The following CDH8 variants were observed in gnomAD, a reference collection of about 807,000 sequenced individuals.
CDH8 encodes the protein cadherin 8, also known as cadherin-8.
Under a neutral mutation model 68.1 loss-of-function variants are expected in CDH8, and 17 were observed. The observed-to-expected ratio is 0.25, with a 90% CI of 0.17 to 0.37. The LOEUF (loss-of-function observed/expected upper bound fraction) is 0.37. CDH8 is among the 10% of genes least tolerant of loss of function. CDH8 has a pLI of 1.00. For synonymous variants in CDH8, 372 were observed against 365.1 expected, an observed-to-expected ratio of 1.02 and a Z score of -0.21; for missense variants, 763 against 999.3, an observed-to-expected ratio of 0.76 and a Z score of 3.19.
intron 2 of CDH8, among the ~76,000 whole-genome samples, chr16:61,933,879 T>C (rs1280542292): frequency 6.6e-6 from 1 of 152,200 alleles, no homozygotes; most frequent in Non-Finnish European, 1.5e-5. Context: ...TTAAGTAGTA[T>C]AGCGAGAACA....
At chr16:61,877,358 T>C (rs1439484604) in intron 3 of CDH8, among the ~76,000 whole-genome samples, 3 of 151,996 alleles carry the variant, frequency 2.0e-5, no homozygotes, top group African/African-American at 7.3e-5. Context: ...CCTTTGGAAG[T>C]TGAATTACCT....
At chr16:61,690,729 T>C (rs1044689002) in intron 10 of CDH8, among the ~76,000 whole-genome samples, 19 of 152,046 alleles carry the variant, frequency 1.2e-4, no homozygotes, top group African/African-American at 4.6e-4. Flanking sequence ...AAGAGCATTA[T>C]CCAATATAAG....
At chr16:61,898,911 ATT>A (rs5817323) in intron 3 of CDH8, among the ~76,000 whole-genome samples, 22 of 150,938 alleles carry the variant, frequency 1.5e-4, no homozygotes, top group Non-Finnish European at 2.2e-4. Flanking sequence ...AATTAGTTTG[ATT>A]TTTTTTTTCT....
chr16:61,650,143 C>T lies in CDH8; in HGVS notation c.*3465G>A, dbSNP rs560636283. 6.6e-6 allele frequency: 1 copy of T among 152,138 alleles called. No individual in the cohort carries two copies. Among genetic ancestry groups the T allele is most frequent in the South Asian group, 2.1e-4 (1 of 4,822 alleles). 9.4% of individuals were successfully genotyped at this position (152,138 alleles called of 1,614,324 possible). On this transcript the variant is annotated 3_prime_UTR_variant, in exon 12 of 12. Coordinates refer to ENST00000577390, the MANE Select transcript of CDH8 (RefSeq NM_001796.5). The stretch of plus-strand genomic sequence containing the variant: ...GAATTTAAAAATAGCATATTTTAGT[C>T]ATCGTATTATAAATGTTTAGAAACT...
At chr16:61,916,869 C>T (rs1453070500) in intron 2 of CDH8, among the ~76,000 whole-genome samples, 1 of 152,130 alleles carries the variant, frequency 6.6e-6, no homozygotes, top group African/African-American at 2.4e-5. Flanking sequence ...CAGAGGGAGA[C>T]TCGGATTCCA....
intron 10 of CDH8, chr16:61,693,893 C>T (rs756803401): frequency 1.3e-5 from 2 of 152,146 alleles, no homozygotes; most frequent in Non-Finnish European, 2.9e-5. Context: ...TCTAATTCTT[C>T]CAGTTGTAAT....
At chr16:61,963,097 T>A (rs1965187807) in intron 2 of CDH8, among the ~76,000 whole-genome samples, 2 of 152,180 alleles carry the variant, frequency 1.3e-5, no homozygotes, top group Non-Finnish European at 2.9e-5. Context: ...AATTATGAGG[T>A]TGGATTCTGA....
At chr16:61,915,346 T>C (rs1221752002) in intron 2 of CDH8, among the ~76,000 whole-genome samples, 1 of 152,204 alleles carries the variant, frequency 6.6e-6, no homozygotes, top group Non-Finnish European at 1.5e-5. Flanking sequence ...GTCTATTATT[T>C]CATTTAATTA....
At chr16:61,787,653 G>A (rs1961259654) in intron 8 of CDH8, among the ~76,000 whole-genome samples, 1 of 143,382 alleles carries the variant, frequency 7.0e-6, no homozygotes, top group South Asian at 2.3e-4. Context: ...TATGTTTATT[G>A]CGGCATTATT....
intron 2 of CDH8, among the ~76,000 whole-genome samples, chr16:61,994,017 C>A (rs141701611): frequency 6.6e-6 from 1 of 152,152 alleles, no homozygotes; most frequent in Admixed American, 6.6e-5. Context: ...GCTCCCATCA[C>A]ATACATGGTA....
chr16:61,797,999 G>A (rs954599745), intron 7 of CDH8, among the ~76,000 whole-genome samples: 3 of 151,876 alleles, frequency 2.0e-5, no homozygotes, highest in Non-Finnish European at 4.4e-5. Flanking sequence ...ATAATCACAT[G>A]TATAATTTTA....
chr16:61,857,069 T>A (rs1318594664), intron 4 of CDH8, 50 bp downstream of exon 4: 1 of 1,607,218 alleles, frequency 6.2e-7, no homozygotes, highest in Non-Finnish European at 8.5e-7. Flanking sequence ...GAAAAGCATT[T>A]CCCTGAAGCA....
rs1963966634 is a variant in CDH8, at chr16:61,901,294, G to A, written c.432C>T (p.Ser144=). 6.2e-7 allele frequency: 1 copy of A among 1,613,996 alleles called. No homozygotes were observed. The highest frequency in any genetic ancestry group is 2.2e-5 in the East Asian group (1 of 44,848). ...LTAQAVDWET[S]KPLEPPSEFI... is the part of the protein sequence containing the mutation. ...ATTCAGAAGGAGGCTCCAGAGGTTTGCTTGTCTCCCAGTCCACTGCTTGAG... is the reference window on the plus strand; with the variant it reads ...ATTCAGAAGGAGGCTCCAGAGGTTTACTTGTCTCCCAGTCCACTGCTTGAG... The change falls in exon 3 of 12, where the codon AGC becomes AGT. Residue 144 remains serine (S), a synonymous_variant. Transcript: ENST00000577390.
At chr16:62,000,488 T>A (rs1965877202) in intron 2 of CDH8, among the ~76,000 whole-genome samples, 1 of 152,214 alleles carries the variant, frequency 6.6e-6, no homozygotes. Context: ...CTGAGTAGAC[T>A]GGCTTTCAAA....
At chr16:61,990,538 C>T (rs1470508547) in intron 2 of CDH8, among the ~76,000 whole-genome samples, 1 of 152,010 alleles carries the variant, frequency 6.6e-6, no homozygotes, top group African/African-American at 2.4e-5. Flanking sequence ...TGAGACCAGG[C>T]ACAGTGGCTC....
rs181537196 is a variant in CDH8 at position 61,968,209 on chromosome 16, A to G, written c.252+52943T>C. On this transcript the variant is annotated intron_variant, in intron 2 of 11. Transcript: ENST00000577390. ...GTGATCCACTTCCAAAAAATTACAAATGAATAGAAATTTATGCACATGACT... is the reference window on the plus strand; with the variant it reads ...GTGATCCACTTCCAAAAAATTACAAGTGAATAGAAATTTATGCACATGACT... 5.0e-4 allele frequency among the ~76,000 whole-genome samples: 76 copies of G among 152,340 alleles called. 1 individual carries two copies. The highest frequency in any genetic ancestry group is 8.5e-4 in the Admixed American group (13 of 15,310).
At chr16:61,779,464 T>TGTGTGTGTGTGCGC (rs796315669) in intron 8 of CDH8, among the ~76,000 whole-genome samples, 1 of 141,462 alleles carries the variant, frequency 7.1e-6, no homozygotes, top group African/African-American at 2.6e-5. Context: ...TGTGTGTGTG[T>TGTGTGTGTGTGCGC]GCGCGCATGG....
chr16:61,820,966 G>A lies in CDH8; in HGVS notation c.983C>T (p.Ser328Phe). ...AATGCCATCCTGGGCCTGGGCATCA[G>A]AAGTGATTTCAAAAAGTGCTGTTCC... ...GDGTALFEIT[S>F]DAQAQDGIIR... The change falls in exon 6 of 12, where the codon TCT becomes TTT. Residue 328 changes from serine (S) to phenylalanine (F), a missense_variant. By Grantham distance (155) the Ser-to-Phe change is radical. Transcript: ENST00000577390. 1 of 1,612,682 alleles carries A rather than the reference G, an allele frequency of 6.2e-7. No homozygotes were observed. The highest frequency in any genetic ancestry group is 8.5e-7 in the Non-Finnish European group (1 of 1,179,162).
chr16:61,885,688 A>G (rs1304009199), intron 3 of CDH8, among the ~76,000 whole-genome samples: 2 of 149,064 alleles, frequency 1.3e-5, no homozygotes, highest in African/African-American at 5.1e-5. Flanking sequence ...AGCAGCTCTA[A>G]TAATTACACA....
Sources: allele counts gnomAD v4.1 joint callset (sites outside exome capture counted in the v4.1 genomes callset), GRCh38; gene constraint gnomAD v4.1.1; transcripts MANE v1.5; gene names NCBI Gene and HGNC (gene_info 2026-07-23, HGNC 2026-07-21).